The following SNX19 variants were observed in gnomAD, a reference collection of about 807,000 sequenced individuals.
The protein encoded by SNX19 is sorting nexin 19, also known as sorting nexin-19.
SNX19 carries 60 observed loss-of-function variants against 85.2 expected under a neutral mutation model. The observed-to-expected ratio is 0.70, with a 90% confidence interval of 0.57 to 0.87. SNX19 has a LOEUF of 0.87. SNX19 is among the 40% of genes least tolerant of loss of function. The pLI is 0.00. For missense variants in SNX19, 1,201 were observed against 1,217.8 expected (o/e 0.99, Z 0.21); for synonymous variants, 520 against 470.0 (o/e 1.11, Z -1.38).
At chr11:130,912,273 A>G (rs1387563205) in intron 1 of SNX19, among the ~76,000 whole-genome samples, 1 of 152,176 alleles carries the variant, frequency 6.6e-6, no homozygotes, top group Non-Finnish European at 1.5e-5. Context: ...ACGCAGATTA[A>G]TTTTCCTAAT....
intron 8 of SNX19, among the ~76,000 whole-genome samples, chr11:130,898,431 T>C (rs1162993379): frequency 6.6e-6 from 1 of 152,152 alleles, no homozygotes; most frequent in African/African-American, 2.4e-5. Flanking sequence ...CAGTACCACG[T>C]GTGGCACCAA....
At chr11:130,914,137 A>G in intron 1 of SNX19, 129 bp downstream of exon 1, 3 of 721,328 alleles carry the variant, frequency 4.2e-6, no homozygotes, top group Non-Finnish European at 6.8e-6. Flanking sequence ...GACCATTCAC[A>G]GAGATAGATG....
rs1942788933 is a variant in SNX19, at chr11:130,866,946, C to T, written c.*11476G>A. On this transcript the variant is annotated 3_prime_UTR_variant, in exon 11 of 11. Transcript: ENST00000265909. ...AGCTCATTTAGCTCCCGTGCCCACC[C>T]AATCTCTGTGAGGAAAGCTCTATTC... 6.6e-6 allele frequency: 1 copy of T among 152,220 alleles called. No homozygotes were observed. Among genetic ancestry groups the T allele is most frequent in the African/African-American group, 2.4e-5 (1 of 41,444 alleles). The allele number at this position is 152,220 out of a possible 1,614,324, so 9.4% of individuals were successfully genotyped here.
intron 8 of SNX19, among the ~76,000 whole-genome samples, chr11:130,890,160 T>C (rs1944398334): frequency 1.3e-5 from 2 of 152,288 alleles, no homozygotes; most frequent in South Asian, 2.1e-4. Context: ...GGTGGAAAAC[T>C]GTGTGAGTCA....
chr11:130,891,172 A>G (rs901421467), intron 8 of SNX19, among the ~76,000 whole-genome samples: 3 of 152,352 alleles, frequency 2.0e-5, no homozygotes, highest in Non-Finnish European at 4.4e-5. Flanking sequence ...GGCATTCCAT[A>G]TATGTTTATA....
chr11:130,904,689 G>C (rs61626559), intron 7 of SNX19, among the ~76,000 whole-genome samples: 8,718 of 127,368 alleles, frequency 0.068, 825 homozygotes, highest in African/African-American at 0.21. Flanking sequence ...TAAAGAAAAT[G>C]GTAGATTTTT....
At position 130,866,564 on chromosome 11, in the gene SNX19, TC is replaced by T. The variant is rs1412306856; in HGVS notation, c.*11857del. On this transcript the variant is annotated 3_prime_UTR_variant, in exon 11 of 11. Transcript: ENST00000265909. The stretch of plus-strand genomic sequence containing the variant: ...CCTCTTCCCCAGGAGAGTGGGAGCG[TC>T]TGCCTTCGGGCTGTCAGTAATATTA... 6.6e-6 allele frequency: 1 copy of T among 152,200 alleles called. No individual in the cohort carries two copies. Among genetic ancestry groups the T allele is most frequent in the Non-Finnish European group, 1.5e-5 (1 of 68,026 alleles). The allele number at this position is 152,200 out of a possible 1,614,324, so 9.4% of individuals were successfully genotyped here.
In SNX19 at chr11:130,866,948, ATC is replaced by A. The variant is rs1435553987; in HGVS notation, c.*11472_*11473del. On this transcript the variant is annotated 3_prime_UTR_variant, in exon 11 of 11. Coordinates refer to ENST00000265909, the MANE Select transcript of SNX19 (RefSeq NM_014758.3). ...CTCATTTAGCTCCCGTGCCCACCCA[ATC>A]TCTGTGAGGAAAGCTCTATTCTTAT... 1.3e-5 allele frequency: 2 copies of A among 152,248 alleles called. No homozygotes were observed. Among genetic ancestry groups the A allele is most frequent in the African/African-American group, 2.4e-5 (1 of 41,456 alleles). The allele number at this position is 152,248 out of a possible 1,614,324, so 9.4% of individuals were successfully genotyped here. A position where few individuals can be genotyped will look rare whatever the true frequency, so the allele number is the denominator to read the frequency against.
intron 5 of SNX19, 61 bp from the exon 6 acceptor site, chr11:130,906,782 G>C (rs1945710195): frequency 4.3e-6 from 5 of 1,169,682 alleles, no homozygotes; most frequent in Non-Finnish European, 6.4e-6. Context: ...CTCACACTAA[G>C]GGCTGGCAAG....
intron 9 of SNX19, 84 bp downstream of exon 9, chr11:130,880,537 AC>A: frequency 7.9e-7 from 1 of 1,264,494 alleles, no homozygotes; most frequent in South Asian, 1.9e-5. Flanking sequence ...CCTTTTACAA[AC>A]AGGAAAAGGT....
rs1282027628 is a variant in SNX19, at chr11:130,877,257, A to G, written c.*1165T>C. 2.0e-5 allele frequency: 3 copies of G among 152,232 alleles called. No homozygotes were observed. 9.4% of individuals were successfully genotyped at this position (152,232 alleles called of 1,614,324 possible). A position where few individuals can be genotyped will look rare whatever the true frequency, so the allele number is the denominator to read the frequency against. On this transcript the variant is annotated 3_prime_UTR_variant, in exon 11 of 11. Coordinates refer to ENST00000265909, the MANE Select transcript of SNX19 (RefSeq NM_014758.3). Reference sequence around the variant, plus strand: ...GTGACTGTCTGCAGCCTTTTCTACCAGCAATTCCTCCTGATTTATCCTTCT... The same window carrying G: ...GTGACTGTCTGCAGCCTTTTCTACCGGCAATTCCTCCTGATTTATCCTTCT...
intron 8 of SNX19, among the ~76,000 whole-genome samples, chr11:130,889,105 T>G (rs1944306331): frequency 6.6e-6 from 1 of 152,148 alleles, no homozygotes; most frequent in Non-Finnish European, 1.5e-5. Context: ...GTGTATGTGT[T>G]TTTCACCTAA....
At chr11:130,913,225 A>G (rs1946280856) in intron 1 of SNX19, among the ~76,000 whole-genome samples, 2 of 152,340 alleles carry the variant, frequency 1.3e-5, no homozygotes, top group Middle Eastern at 3.4e-3. Context: ...CAACACTTAA[A>G]TGTGAGAAAG....
chr11:130,914,797 G>A lies in SNX19; in HGVS notation c.1143C>T (p.Gly381=). The A allele has an allele frequency of 6.2e-7, 1 of 1,614,190 alleles. No homozygotes were observed. Among genetic ancestry groups the A allele is most frequent in the South Asian group, 1.1e-5 (1 of 91,080 alleles). Residue 381 remains glycine, a synonymous_variant, in exon 1 of 11, where the codon GGC becomes GGT. Transcript: ENST00000265909. ...SELESPLSEL[G]KETIMLMTPG... The stretch of plus-strand genomic sequence containing the variant: ...GAGTCATGAGCATGATGGTTTCTTT[G>A]CCCAGTTCAGACAGCGGAGACTCCA...
At position 130,915,957 on chromosome 11, in the gene SNX19, G is replaced by T. The variant is rs139042752; in HGVS notation, c.-18C>A. ...GTCTTCATGGCTGAACGGACAAGGTGGCTTCCCCAGATGACAGCCCTCAAG... is the reference window on the plus strand; with the variant it reads ...GTCTTCATGGCTGAACGGACAAGGTTGCTTCCCCAGATGACAGCCCTCAAG... On this transcript the variant is annotated 5_prime_UTR_variant, in exon 1 of 11. Transcript: ENST00000265909. The T allele has an allele frequency of 0.026, 41,551 of 1,604,576 alleles. 823 individuals are homozygous for T. Among genetic ancestry groups the T allele is most frequent in the African/African-American group, 0.065 (4,854 of 74,782 alleles).
In SNX19 at chr11:130,916,230, C is replaced by T. The variant is rs1191111739; in HGVS notation, c.-291G>A. On this transcript the variant is annotated 5_prime_UTR_variant, in exon 1 of 11. Coordinates refer to ENST00000265909, the MANE Select transcript of SNX19 (RefSeq NM_014758.3). The stretch of plus-strand genomic sequence containing the variant: ...CACTGCCCCAGGCGGAAGGCCTCTT[C>T]GGGGCCTCGGGGCGGGCGCTGCAAG... The T allele has an allele frequency of 2.5e-6, 1 of 398,114 alleles. No homozygotes were observed. Among genetic ancestry groups the T allele is most frequent in the African/African-American group, 2.0e-5 (1 of 49,900 alleles). 24.7% of individuals were successfully genotyped at this position (398,114 alleles called of 1,614,324 possible).
chr11:130,911,442 A>C (rs1216959600), intron 2 of SNX19, 191 bp downstream of exon 2: 2 of 1,400,522 alleles, frequency 1.4e-6, no homozygotes, highest in Middle Eastern at 2.7e-4. Flanking sequence ...GTTGGCAGTA[A>C]AGGACTACCT....
Position 130,914,811 on chromosome 11 carries a change from G to A in SNX19, c.1129C>T (p.Leu377=). 1 of 1,614,218 alleles carries A rather than the reference G, an allele frequency of 6.2e-7. No homozygotes were observed. Residue 377 remains leucine, a synonymous_variant, in exon 1 of 11, where the codon CTG becomes TTG. Transcript: ENST00000265909. ...LCEDSELESP[L]SELGKETIML... ...ATGGTTTCTTTGCCCAGTTCAGACA[G>A]CGGAGACTCCAGCTCTGAGTCTTCA...
rs116815970 is a variant in SNX19, at chr11:130,898,530, T to G, written c.2573+4725A>C. ...AGCATATGGCTCAGCTACCCGTGGT[T>G]TCAGGGAGGACAAACATGTAGCCTC... On this transcript the variant is annotated intron_variant, in intron 8 of 10. Coordinates refer to ENST00000265909, the MANE Select transcript of SNX19 (RefSeq NM_014758.3). Among the ~76,000 whole-genome samples, 1,118 of 152,184 alleles carry G rather than the reference T, an allele frequency of 7.3e-3. 12 individuals carry two copies. Among genetic ancestry groups the G allele is most frequent in the African/African-American group, 0.026 (1,080 of 41,520 alleles).
Sources: gnomAD v4.1 joint callset for allele counts (sites outside exome capture counted in the v4.1 genomes callset) on GRCh38, gnomAD v4.1.1 for gene constraint, MANE v1.5 for transcripts, NCBI Gene and HGNC (gene_info 2026-07-23, HGNC 2026-07-21) for gene names.